ROR1: variants seen among roughly 807,000 people sequenced by gnomAD.
The protein encoded by ROR1 is ROR family WNT receptor 1.
Under a neutral mutation model 78.8 loss-of-function variants are expected in ROR1, and 19 were observed. That is an observed-to-expected ratio of 0.24 (90% confidence interval 0.17 to 0.35). The LOEUF (loss-of-function observed/expected upper bound fraction) is 0.35, where lower values mean the gene tolerates loss of function less well. Ranked by LOEUF, ROR1 falls within the 10% of genes least tolerant of loss-of-function variation. The probability of loss-of-function intolerance (pLI) is 1.00; values close to 1 mark genes in which losing one functional copy is unlikely to be tolerated. For missense variants in ROR1, 917 were observed against 1,177.8 expected (o/e 0.78, Z 3.24); for synonymous variants, 386 against 433.6 (o/e 0.89, Z 1.36).
intron 2 of ROR1, among the ~76,000 whole-genome samples, chr1:64,041,238 A>C (rs1646743486): frequency 6.6e-6 from 1 of 152,132 alleles, no homozygotes; most frequent in African/African-American, 2.4e-5. Context: ...TAATACATGT[A>C]AAATGCCTGA....
intron 4 of ROR1, among the ~76,000 whole-genome samples, chr1:64,123,330 T>G (rs1236053787): frequency 6.6e-6 from 1 of 152,142 alleles, no homozygotes; most frequent in Non-Finnish European, 1.5e-5. Flanking sequence ...GTTCCCGGGG[T>G]TTTATTCATT....
chr1:64,035,754 G>A (rs1178546536), intron 2 of ROR1, among the ~76,000 whole-genome samples: 1 of 152,108 alleles, frequency 6.6e-6, no homozygotes, highest in Non-Finnish European at 1.5e-5. Flanking sequence ...AGAGTCTGGG[G>A]GTGGAGGGAG....
chr1:63,830,347 T>G (rs1164562905), intron 1 of ROR1, among the ~76,000 whole-genome samples: 1 of 152,194 alleles, frequency 6.6e-6, no homozygotes, highest in African/African-American at 2.4e-5. Flanking sequence ...TACCCGAGAC[T>G]GGGTAATTTA....
At chr1:63,999,907 C>A (rs1421195162) in intron 1 of ROR1, among the ~76,000 whole-genome samples, 1 of 152,156 alleles carries the variant, frequency 6.6e-6, no homozygotes, top group Non-Finnish European at 1.5e-5. Flanking sequence ...GAGTCAAGAA[C>A]AAACTCTCAG....
chr1:64,064,442 T>G (rs1291993747), intron 4 of ROR1, among the ~76,000 whole-genome samples: 3 of 152,172 alleles, frequency 2.0e-5, no homozygotes, highest in Non-Finnish European at 4.4e-5. Context: ...TGCAAGAAAC[T>G]ATATGACACA....
intron 1 of ROR1, among the ~76,000 whole-genome samples, chr1:63,846,118 ATGTGTGTGTGTGTGTG>A (rs71056009): frequency 0.041 from 5,561 of 136,382 alleles, 195 homozygotes; most frequent in South Asian, 0.15. Context: ...GAGAGAGAGA[ATGTGTGTGTGTGTGTG>A]TGTGTGTGTG....
chr1:64,093,597 A>T (rs1365449663), intron 4 of ROR1, among the ~76,000 whole-genome samples: 4 of 151,744 alleles, frequency 2.6e-5, no homozygotes, highest in African/African-American at 9.7e-5. Flanking sequence ...ACACACACAC[A>T]CTCAGCAATA....
chr1:63,995,851 G>C (rs552884118), intron 1 of ROR1, among the ~76,000 whole-genome samples: 1 of 152,204 alleles, frequency 6.6e-6, no homozygotes, highest in East Asian at 1.9e-4. Flanking sequence ...GATCTGGACT[G>C]AGCCAAGGTG....
chr1:63,913,698 G>GTCA (rs1229497806), intron 1 of ROR1, among the ~76,000 whole-genome samples: 1 of 152,124 alleles, frequency 6.6e-6, no homozygotes, highest in Non-Finnish European at 1.5e-5. Flanking sequence ...CCGTGATTCT[G>GTCA]TCATCACCTC....
At chr1:64,067,291 G>A (rs1490112908) in intron 4 of ROR1, among the ~76,000 whole-genome samples, 1 of 151,674 alleles carries the variant, frequency 6.6e-6, no homozygotes, top group Non-Finnish European at 1.5e-5. Flanking sequence ...GAGGTTCAGT[G>A]AGCCAAAATT....
chr1:63,889,129 T>G (rs1442362250), intron 1 of ROR1, among the ~76,000 whole-genome samples: 1 of 152,152 alleles, frequency 6.6e-6, no homozygotes, highest in Non-Finnish European at 1.5e-5. Context: ...TGAGTCTGCT[T>G]AAGACATGGC....
chr1:63,836,635 A>T (rs1645020269), intron 1 of ROR1, among the ~76,000 whole-genome samples: 1 of 152,214 alleles, frequency 6.6e-6, no homozygotes. Flanking sequence ...TCTTGCAGAA[A>T]TTCTGCACTT....
At chr1:64,047,578 C>T (rs1323811907) in intron 2 of ROR1, among the ~76,000 whole-genome samples, 2 of 152,172 alleles carry the variant, frequency 1.3e-5, no homozygotes, top group Non-Finnish European at 2.9e-5. Context: ...TGATTGCTAT[C>T]TCTAAGTTTC....
intron 4 of ROR1, among the ~76,000 whole-genome samples, chr1:64,118,976 C>T (rs974915767): frequency 1.3e-5 from 2 of 152,222 alleles, no homozygotes; most frequent in Non-Finnish European, 2.9e-5. Context: ...AACACTTCAT[C>T]GTGTGTCAGC....
intron 1 of ROR1, among the ~76,000 whole-genome samples, chr1:63,959,344 C>T (rs564027223): frequency 2.0e-5 from 3 of 152,216 alleles, no homozygotes; most frequent in African/African-American, 4.8e-5. Flanking sequence ...GGGACACAGC[C>T]AAACCATATC....
intron 1 of ROR1, among the ~76,000 whole-genome samples, chr1:63,800,230 A>C (rs556789570): frequency 6.6e-6 from 1 of 152,174 alleles, no homozygotes; most frequent in Non-Finnish European, 1.5e-5. Flanking sequence ...TTAATTCCTT[A>C]AGATATTCTG....
intron 4 of ROR1, among the ~76,000 whole-genome samples, chr1:64,122,918 TG>T (rs1285532482): frequency 6.6e-6 from 1 of 152,202 alleles, no homozygotes; most frequent in East Asian, 1.9e-4. Context: ...AGTTGAAGTT[TG>T]ACCAGTAAGA....
intron 1 of ROR1, among the ~76,000 whole-genome samples, chr1:63,840,281 GTT>G (rs35330369): frequency 2.9e-5 from 4 of 139,670 alleles, no homozygotes; most frequent in African/African-American, 2.7e-5. Flanking sequence ...TTGTCGTTTA[GTT>G]TTTTTTTTTT....
chr1:63,886,992 C>T (rs1307186158), intron 1 of ROR1, among the ~76,000 whole-genome samples: 1 of 152,214 alleles, frequency 6.6e-6, no homozygotes, highest in Non-Finnish European at 1.5e-5. Flanking sequence ...CACACTCTGT[C>T]CTCCTCCCAA....
Sources: gnomAD v4.1 joint callset for allele counts (sites outside exome capture counted in the v4.1 genomes callset) on GRCh38, gnomAD v4.1.1 for gene constraint, MANE v1.5 for transcripts, NCBI Gene and HGNC (gene_info 2026-07-23, HGNC 2026-07-21) for gene names.